Variants in SMARCAD1 observed in about 807,000 individuals in gnomAD.
The protein encoded by SMARCAD1 is SNF2 related chromatin remodeling ATPase with DExD box 1.
Under a neutral mutation model 127.1 loss-of-function variants are expected in SMARCAD1, and 25 were observed. The ratio of observed to expected loss-of-function variants is 0.20; its 90% CI spans 0.14 to 0.27. The LOEUF is 0.27. SMARCAD1 is among the 10% of genes least tolerant of loss of function. The probability of loss-of-function intolerance (pLI) is 1.00; values close to 1 mark genes in which losing one functional copy is unlikely to be tolerated. For synonymous variants in SMARCAD1, 400 were observed against 396.9 expected (o/e 1.01, Z -0.09); for missense variants, 807 against 1,206.0 (o/e 0.67, Z 4.90).
chr4:94,248,786 T>C (rs562340784), intron 6 of SMARCAD1, among the ~76,000 whole-genome samples: 1 of 152,312 alleles, frequency 6.6e-6, no homozygotes, highest in East Asian at 1.9e-4. Context: ...TTTATTTTAC[T>C]CCATTGTGCA....
At chr4:94,269,104 A>G (rs1349363221) in intron 10 of SMARCAD1, among the ~76,000 whole-genome samples, 1 of 152,178 alleles carries the variant, frequency 6.6e-6, no homozygotes, top group Non-Finnish European at 1.5e-5. Flanking sequence ...TCTCCTACCT[A>G]TACTTTTAGT....
At chr4:94,257,397 G>A (rs761137960) in intron 9 of SMARCAD1, among the ~76,000 whole-genome samples, 1 of 152,026 alleles carries the variant, frequency 6.6e-6, no homozygotes, top group Non-Finnish European at 1.5e-5. Flanking sequence ...CTTTTCTGTG[G>A]TTTTCAGTAA....
intron 9 of SMARCAD1, among the ~76,000 whole-genome samples, chr4:94,261,089 G>A (rs553280931): frequency 6.6e-6 from 1 of 151,244 alleles, no homozygotes; most frequent in African/African-American, 2.4e-5. Context: ...GTTACCTCTC[G>A]TGTAACACAG....
chr4:94,208,424 C>T lies in SMARCAD1; in HGVS notation c.30C>T (p.Arg10=). 6.2e-7 allele frequency: 1 copy of T among 1,614,112 alleles called. No individual in the cohort carries two copies. The highest frequency in any genetic ancestry group is 8.5e-7 in the Non-Finnish European group (1 of 1,180,032). ...ATCTTTTCAACCTGGACCGTTTTCG[C>T]TTTGAGAAAAGGAATAAGATTGAGG... The part of the protein sequence containing the change: MNLFNLDRF[R]FEKRNKIEEA... Residue 10 remains arginine (R), a synonymous_variant, in exon 2 of 24, where the codon CGC becomes CGT. Transcript: ENST00000354268.
intron 6 of SMARCAD1, among the ~76,000 whole-genome samples, chr4:94,244,534 G>A (rs1371719752): frequency 6.6e-6 from 1 of 152,164 alleles, no homozygotes; most frequent in Admixed American, 6.5e-5. Flanking sequence ...GGCTCCTAAA[G>A]GTAACATAAC....
intron 4 of SMARCAD1, 120 bp from the exon 5 acceptor site, chr4:94,236,832 T>G: frequency 1.2e-6 from 1 of 806,854 alleles, no homozygotes; most frequent in South Asian, 1.5e-5. Flanking sequence ...GAACTTAAAC[T>G]ATGACACACA....
chr4:94,221,132 T>G (rs941269005), intron 2 of SMARCAD1, among the ~76,000 whole-genome samples: 2 of 152,222 alleles, frequency 1.3e-5, no homozygotes, highest in Non-Finnish European at 2.9e-5. Flanking sequence ...AAGTTTGAAT[T>G]TTGGAAAACT....
chr4:94,275,302 T>C (rs1231011905), intron 14 of SMARCAD1, among the ~76,000 whole-genome samples: 1 of 152,166 alleles, frequency 6.6e-6, no homozygotes. Flanking sequence ...TACAAATAAG[T>C]ATCTGTAATA....
chr4:94,229,576 A>T (rs893612267), intron 3 of SMARCAD1, among the ~76,000 whole-genome samples: 1 of 151,972 alleles, frequency 6.6e-6, no homozygotes, highest in South Asian at 2.1e-4. Context: ...TACTTCTCCT[A>T]CCTCAAGCCT....
At chr4:94,229,555 TC>T (rs1414873824) in intron 3 of SMARCAD1, among the ~76,000 whole-genome samples, 3 of 152,126 alleles carry the variant, frequency 2.0e-5, no homozygotes, top group Non-Finnish European at 4.4e-5. Context: ...GAACAAGGTA[TC>T]CCAGACTTCT....
At chr4:94,227,805 A>G (rs953674799) in intron 3 of SMARCAD1, among the ~76,000 whole-genome samples, 1 of 152,182 alleles carries the variant, frequency 6.6e-6, no homozygotes, top group Non-Finnish European at 1.5e-5. Context: ...GAGAGATTAC[A>G]TGTCTGAATT....
intron 9 of SMARCAD1, among the ~76,000 whole-genome samples, chr4:94,261,713 C>T (rs570862758): frequency 3.7e-4 from 57 of 152,210 alleles, no homozygotes; most frequent in African/African-American, 1.2e-3. Flanking sequence ...GGGCTCAAGC[C>T]ATCGTCCCAC....
chr4:94,245,175 C>T (rs935568450), intron 6 of SMARCAD1, among the ~76,000 whole-genome samples: 2 of 152,122 alleles, frequency 1.3e-5, no homozygotes, highest in African/African-American at 4.8e-5. Flanking sequence ...AGTTTGGACT[C>T]GGAGCAGTCA....
intron 7 of SMARCAD1, among the ~76,000 whole-genome samples, chr4:94,250,366 A>G (rs10018599): frequency 0.14 from 21,919 of 152,046 alleles, 1,802 homozygotes; most frequent in Non-Finnish European, 0.19. Flanking sequence ...GATGAGCTGA[A>G]TGCAAAATCT....
In SMARCAD1 at chr4:94,281,508, A is replaced by G. The variant is rs1754020252; in HGVS notation, c.2644A>G (p.Met882Val). 6.2e-7 allele frequency: 1 copy of G among 1,613,186 alleles called. No homozygotes were observed. The highest frequency in any genetic ancestry group is 1.3e-5 in the African/African-American group (1 of 75,002). ...TGTGTTATTTAGCCAATTTACCATG[A>G]TGCTGGATATCTTAGAGGTTCTATT... ...RVVLFSQFTM[M>V]LDILEVLLKH... Residue 882 changes from methionine (M) to valine (V), a missense_variant, in exon 21 of 24, where the codon ATG (methionine) becomes GTG (valine). Physicochemically the swap from Met to Val is conservative, Grantham distance 21 (BLOSUM62 1). Around this residue, in one of 8 missense-constraint regions of SMARCAD1, gnomAD observed 44 missense variants for 119.1 expected, o/e 0.37. Coordinates refer to ENST00000354268, the MANE Select transcript of SMARCAD1 (RefSeq NM_020159.5).
Position 94,270,601 on chromosome 4 carries a change from C to CAT in SMARCAD1, c.1482-125_1482-124dup. 5 of 734,988 alleles carry CAT rather than the reference C, an allele frequency of 6.8e-6. No individual in the cohort carries two copies. The South Asian group carries it at 7.5e-5, about 11-fold the overall frequency. 45.5% of individuals were successfully genotyped at this position (734,988 alleles called of 1,614,324 possible). A position where few individuals can be genotyped will look rare whatever the true frequency, so the allele number is the denominator to read the frequency against. ...GGTTCATTTTTTTTAAGTAGGTGTA[C>CAT]ATAGCATCTAACAGTTAAAAGGTAA... On this transcript the variant is annotated intron_variant, in intron 10 of 23. Transcript: ENST00000354268.
Position 94,254,897 on chromosome 4 carries a change from T to A in SMARCAD1, c.1281+1890T>A, listed in dbSNP as rs551181058. Among the ~76,000 whole-genome samples, 5 of 152,206 alleles carry A rather than the reference T, an allele frequency of 3.3e-5. No individual in the cohort carries two copies. In the South Asian group the frequency reaches 8.3e-4, roughly 25 times the overall value. ...TTTAGAATTTTAAATGTGATTTATT[T>A]ATAGAGTACTTTTTTAGCCCAAACC... On this transcript the variant is annotated intron_variant, in intron 9 of 23. Transcript: ENST00000354268.
At chr4:94,242,414 A>G (rs1747732378) in intron 6 of SMARCAD1, among the ~76,000 whole-genome samples, 1 of 152,028 alleles carries the variant, frequency 6.6e-6, no homozygotes, top group African/African-American at 2.4e-5. Context: ...CCTGGTCACC[A>G]GTTTTTTAAG....
chr4:94,255,515 G>C (rs919787336), intron 9 of SMARCAD1, among the ~76,000 whole-genome samples: 1 of 151,802 alleles, frequency 6.6e-6, no homozygotes, highest in Non-Finnish European at 1.5e-5. Context: ...AGATCATTGG[G>C]TTGTTTTCAA....
Sources: allele counts gnomAD v4.1 joint callset (sites outside exome capture counted in the v4.1 genomes callset), GRCh38; gene constraint gnomAD v4.1.1; regional missense constraint gnomAD v4.1.1; transcripts MANE v1.5; gene names NCBI Gene and HGNC (gene_info 2026-07-23, HGNC 2026-07-21).